The following SLC7A14 variants were observed in gnomAD, a reference collection of about 807,000 sequenced individuals.
The protein encoded by SLC7A14 is solute carrier family 7 member 14.
Under a neutral mutation model 60.2 loss-of-function variants are expected in SLC7A14, and 37 were observed. The ratio of observed to expected loss-of-function variants is 0.61; its 90% CI spans 0.47 to 0.81. SLC7A14 has a LOEUF of 0.81. Among genes scored for constraint, SLC7A14 ranks in the 30% least tolerant of loss-of-function variants. The pLI is 0.00. For missense variants in SLC7A14, 886 were observed against 982.7 expected (o/e 0.90, Z 1.32); for synonymous variants, 399 against 395.8 (o/e 1.01, Z -0.10).
chr3:170,576,714 G>T (rs140494477), intron 1 of SLC7A14, among the ~76,000 whole-genome samples: 1 of 152,288 alleles, frequency 6.6e-6, no homozygotes, highest in African/African-American at 2.4e-5. Context: ...TTCAGTGGGG[G>T]TGGAGTGCTA....
intron 1 of SLC7A14, among the ~76,000 whole-genome samples, chr3:170,568,941 T>G (rs1714868739): frequency 6.6e-6 from 1 of 152,220 alleles, no homozygotes; most frequent in African/African-American, 2.4e-5. Context: ...AGATATACAA[T>G]CATGTCATCT....
In SLC7A14 at chr3:170,464,241, C is replaced by T. The variant is rs564801878; in HGVS notation, c.*2814G>A. 10 of 152,276 alleles carry T rather than the reference C, an allele frequency of 6.6e-5. No homozygotes were observed. Among genetic ancestry groups the T allele is most frequent in the African/African-American group, 2.4e-4 (10 of 41,538 alleles). The allele number at this position is 152,276 out of a possible 1,614,324, so 9.4% of individuals were successfully genotyped here. A position where few individuals can be genotyped will look rare whatever the true frequency, so the allele number is the denominator to read the frequency against. On this transcript the variant is annotated 3_prime_UTR_variant, in exon 8 of 8. Coordinates refer to ENST00000231706, the MANE Select transcript of SLC7A14 (RefSeq NM_020949.3). ...AATCTGAAGAAAATCAAGTAATTGG[C>T]TCCAAACCACAAATCCACACAATGA...
chr3:170,474,998 A>G (rs1022371478), intron 7 of SLC7A14, among the ~76,000 whole-genome samples: 6 of 152,226 alleles, frequency 3.9e-5, no homozygotes, highest in Admixed American at 3.9e-4. Flanking sequence ...AGCCCCTGCT[A>G]GTTCCATGTT....
chr3:170,473,976 C>A lies in SLC7A14; in HGVS notation c.1993+6313G>T, dbSNP rs144436684. Among the ~76,000 whole-genome samples, 481 of 152,308 alleles carry A rather than the reference C, an allele frequency of 3.2e-3. 5 individuals carry two copies. Among genetic ancestry groups the A allele is most frequent in the African/African-American group, 0.01 (435 of 41,560 alleles). ...AACCTGGTAGTCTGAGCCAGCAATTCTAACTCAACAGAAACCCAAGAGATA... is the reference window on the plus strand; with the variant it reads ...AACCTGGTAGTCTGAGCCAGCAATTATAACTCAACAGAAACCCAAGAGATA... On this transcript the variant is annotated intron_variant, in intron 7 of 7. Transcript: ENST00000231706.
chr3:170,572,791 C>A (rs1714990817), intron 1 of SLC7A14, among the ~76,000 whole-genome samples: 1 of 152,324 alleles, frequency 6.6e-6, no homozygotes, highest in South Asian at 2.1e-4. Context: ...TTTTCTTCCT[C>A]TGCATTGTGA....
At chr3:170,479,170 C>T (rs1485661921) in intron 7 of SLC7A14, among the ~76,000 whole-genome samples, 1 of 151,604 alleles carries the variant, frequency 6.6e-6, no homozygotes, top group Non-Finnish European at 1.5e-5. Flanking sequence ...ACAACAACAA[C>T]AACAAAAAGA....
chr3:170,482,803 T>A (rs892288638), intron 6 of SLC7A14, among the ~76,000 whole-genome samples: 5 of 152,212 alleles, frequency 3.3e-5, no homozygotes, highest in Non-Finnish European at 1.5e-5. Context: ...TGGGATACTG[T>A]ATACACAGCA....
chr3:170,519,743 T>A (rs1713287259), intron 2 of SLC7A14, among the ~76,000 whole-genome samples: 1 of 152,178 alleles, frequency 6.6e-6, no homozygotes, highest in African/African-American at 2.4e-5. Context: ...GCCACTGCAC[T>A]CCAGCCTGGG....
chr3:170,480,328 T>C lies in SLC7A14; in HGVS notation c.1954A>G (p.Thr652Ala). Residue 652 changes from threonine (T) to alanine (A), a missense_variant, in exon 7 of 8, where the codon ACC becomes GCC. Thr to Ala is a moderately conservative substitution (Grantham distance 58, BLOSUM62 0). Coordinates refer to ENST00000231706, the MANE Select transcript of SLC7A14 (RefSeq NM_020949.3). ...ACCGCAAACCGGATCCATGTGATGG[T>C]GGAGAGCTTTAGCATGAGATAGATG... ...VNIYLMLKLS[T>A]ITWIRFAVWC... is the part of the protein sequence containing the mutation. The C allele has an allele frequency of 6.4e-7, 1 of 1,559,118 alleles. No homozygotes were observed. The highest frequency in any genetic ancestry group is 1.4e-5 in the African/African-American group (1 of 73,344).
At chr3:170,575,680 G>T (rs2108317039) in intron 1 of SLC7A14, among the ~76,000 whole-genome samples, 1 of 152,316 alleles carries the variant, frequency 6.6e-6, no homozygotes, top group African/African-American at 2.4e-5. Flanking sequence ...GGAGGGACTA[G>T]GTTCTAGCTC....
intron 3 of SLC7A14, among the ~76,000 whole-genome samples, chr3:170,500,189 T>C (rs993297788): frequency 3.9e-5 from 6 of 152,110 alleles, no homozygotes; most frequent in African/African-American, 1.4e-4. Flanking sequence ...ATGCTTGTAA[T>C]TCCAGCACTT....
chr3:170,464,916 G>A lies in SLC7A14; in HGVS notation c.*2139C>T, dbSNP rs537652718. 1 of 152,208 alleles carries A rather than the reference G, an allele frequency of 6.6e-6. No individual in the cohort carries two copies. Among genetic ancestry groups the A allele is most frequent in the African/African-American group, 2.4e-5 (1 of 41,520 alleles). 9.4% of individuals were successfully genotyped at this position (152,208 alleles called of 1,614,324 possible). On this transcript the variant is annotated 3_prime_UTR_variant, in exon 8 of 8. Coordinates refer to ENST00000231706, the MANE Select transcript of SLC7A14 (RefSeq NM_020949.3). ...CCTCATCTATCTAGATATGTATCAA[G>A]CTTAACAGATTCTATTTACACCAGG...
intron 7 of SLC7A14, among the ~76,000 whole-genome samples, chr3:170,474,561 T>C (rs34322079): frequency 0.53 from 80,307 of 151,984 alleles, 23,056 homozygotes; most frequent in Middle Eastern, 0.67. Flanking sequence ...CGTTTTTTTT[T>C]CCTCTGCCTC....
chr3:170,544,389 A>G (rs954166298), intron 1 of SLC7A14, among the ~76,000 whole-genome samples: 6 of 152,162 alleles, frequency 3.9e-5, no homozygotes, highest in African/African-American at 1.4e-4. Flanking sequence ...TTGGGAGGCT[A>G]AAAACTGAGA....
intron 1 of SLC7A14, among the ~76,000 whole-genome samples, chr3:170,569,892 C>T (rs1381525450): frequency 6.6e-6 from 1 of 151,560 alleles, no homozygotes; most frequent in Non-Finnish European, 1.5e-5. Flanking sequence ...CTATTTGATT[C>T]TTCTCTCCTT....
At chr3:170,502,414 T>G (rs1712645123) in intron 2 of SLC7A14, among the ~76,000 whole-genome samples, 1 of 152,162 alleles carries the variant, frequency 6.6e-6, no homozygotes, top group Non-Finnish European at 1.5e-5. Flanking sequence ...AGAGAATATA[T>G]TAGAAAGAGA....
Position 170,467,229 on chromosome 3 carries a change from GC to G in SLC7A14, c.2141del (p.Gly714AlafsTer47), listed in dbSNP as rs1739741620. 4 of 1,614,212 alleles carry G rather than the reference GC, an allele frequency of 2.5e-6. No homozygotes were observed. The highest frequency in any genetic ancestry group is 3.4e-6 in the Non-Finnish European group (4 of 1,180,042). On this transcript the variant is annotated frameshift_variant, in exon 8 of 8. Coordinates refer to ENST00000231706, the MANE Select transcript of SLC7A14 (RefSeq NM_020949.3). LOFTEE classifies it high-confidence loss of function. ...GCCCGCCCCAGTCCTCCTGGCTCTCGCCCTCTGTGGCGTAGGAGAAACCCTC... is the reference window on the plus strand; with the variant it reads ...GCCCGCCCCAGTCCTCCTGGCTCTCGCCTCTGTGGCGTAGGAGAAACCCTC... The part of the protein sequence containing the change: ...VEEGFSYATE[G>X]ESQEDWGGPT...
At chr3:170,580,371 A>G (rs1326467236) in intron 1 of SLC7A14, among the ~76,000 whole-genome samples, 1 of 152,220 alleles carries the variant, frequency 6.6e-6, no homozygotes, top group East Asian at 1.9e-4. Context: ...CTCCAAGGTA[A>G]TGGCATTTTC....
Position 170,586,041 on chromosome 3 carries a change from C to CGCT in SLC7A14, c.-286_-284dup, listed in dbSNP as rs915865574. 1 of 153,080 alleles carries CGCT rather than the reference C, an allele frequency of 6.5e-6. No individual in the cohort carries two copies. Among genetic ancestry groups the CGCT allele is most frequent in the Admixed American group, 6.5e-5 (1 of 15,288 alleles). 9.5% of individuals were successfully genotyped at this position (153,080 alleles called of 1,614,324 possible). A position where few individuals can be genotyped will look rare whatever the true frequency, so the allele number is the denominator to read the frequency against. ...GCGGCAAAGGAAGGCAGGAGGCAGCCGCTGCTGCTGAACAGCTCCTCAATT... is the reference window on the plus strand; with the variant it reads ...GCGGCAAAGGAAGGCAGGAGGCAGCCGCTGCTGCTGCTGAACAGCTCCTCAATT... On this transcript the variant is annotated 5_prime_UTR_variant, in exon 1 of 8. Transcript: ENST00000231706.
Sources: allele counts gnomAD v4.1 joint callset (sites outside exome capture counted in the v4.1 genomes callset), GRCh38; gene constraint gnomAD v4.1.1; transcripts MANE v1.5; gene names NCBI Gene and HGNC (gene_info 2026-07-23, HGNC 2026-07-21).